The following LRMDA variants were observed in gnomAD, a reference collection of about 807,000 sequenced individuals.
LRMDA encodes the protein leucine-rich melanocyte differentiation-associated protein.
LRMDA carries 18 observed loss-of-function variants against 29.8 expected under a neutral mutation model. That is an observed-to-expected ratio of 0.60 (90% CI 0.42 to 0.90). The LOEUF is 0.90. Among genes scored for constraint, LRMDA ranks in the 40% least tolerant of loss-of-function variants. The probability of loss-of-function intolerance (pLI) is 0.00; values close to 1 mark genes in which losing one functional copy is unlikely to be tolerated. For missense variants in LRMDA, 273 were observed against 273.9 expected (o/e 1.00, Z 0.02); for synonymous variants, 125 against 109.4 (o/e 1.14, Z -0.89).
intron 5 of LRMDA, among the ~76,000 whole-genome samples, chr10:76,171,302 A>AT (rs901691187): frequency 5.3e-5 from 8 of 152,070 alleles, no homozygotes; most frequent in Admixed American, 6.5e-5. Context: ...TGCCTGGCTA[A>AT]TTTTTTTTGT....
At chr10:76,448,951 G>A (rs1283310372) in intron 6 of LRMDA, among the ~76,000 whole-genome samples, 1 of 151,706 alleles carries the variant, frequency 6.6e-6, no homozygotes, top group Non-Finnish European at 1.5e-5. Context: ...TATTTACTTT[G>A]TGATCTAATG....
At chr10:75,705,964 G>T (rs1842361017) in intron 2 of LRMDA, among the ~76,000 whole-genome samples, 1 of 152,156 alleles carries the variant, frequency 6.6e-6, no homozygotes, top group South Asian at 2.1e-4. Flanking sequence ...TAACAACAGT[G>T]GTCTTTAATC....
intron 2 of LRMDA, among the ~76,000 whole-genome samples, chr10:75,576,370 T>G (rs1250516570): frequency 2.0e-5 from 3 of 152,196 alleles, no homozygotes; most frequent in Admixed American, 6.5e-5. Flanking sequence ...GTAGCCCCAG[T>G]CAGGGACTTA....
intron 5 of LRMDA, among the ~76,000 whole-genome samples, chr10:76,152,034 A>G (rs760785972): frequency 7.9e-5 from 12 of 152,224 alleles, no homozygotes; most frequent in Admixed American, 2.0e-4. Context: ...ATTTCTTAGA[A>G]CATAAAATTC....
intron 3 of LRMDA, 31 bp from the exon 4 acceptor site, chr10:76,047,133 T>C: frequency 6.2e-7 from 1 of 1,613,266 alleles, no homozygotes; most frequent in Non-Finnish European, 8.5e-7. Flanking sequence ...GCCTTTTGTC[T>C]TACTGGACCA....
chr10:75,829,666 A>T (rs1844305669), intron 2 of LRMDA, among the ~76,000 whole-genome samples: 1 of 152,010 alleles, frequency 6.6e-6, no homozygotes, highest in South Asian at 2.1e-4. Flanking sequence ...GGTTTGAAGG[A>T]AGATTCAGAT....
At chr10:76,178,423 A>G (rs904790001) in intron 5 of LRMDA, among the ~76,000 whole-genome samples, 2 of 152,108 alleles carry the variant, frequency 1.3e-5, no homozygotes, top group Non-Finnish European at 2.9e-5. Flanking sequence ...TGGCATTTTC[A>G]CCCATTAGCA....
intron 2 of LRMDA, among the ~76,000 whole-genome samples, chr10:75,643,451 A>G (rs1841478965): frequency 6.6e-6 from 1 of 152,180 alleles, no homozygotes; most frequent in Non-Finnish European, 1.5e-5. Context: ...ACATCCCTTT[A>G]TGGTCCAGCC....
intron 2 of LRMDA, among the ~76,000 whole-genome samples, chr10:75,456,832 C>T (rs1016999492): frequency 2.6e-5 from 4 of 152,154 alleles, no homozygotes; most frequent in Non-Finnish European, 4.4e-5. Flanking sequence ...CGTGCCACCA[C>T]TCCCAGCTAA....
intron 2 of LRMDA, among the ~76,000 whole-genome samples, chr10:75,887,355 C>T (rs1431268345): frequency 2.0e-5 from 3 of 151,980 alleles, no homozygotes; most frequent in South Asian, 2.1e-4. Flanking sequence ...TATTGGTACA[C>T]GCACATTTTT....
intron 6 of LRMDA, among the ~76,000 whole-genome samples, chr10:76,511,920 A>C (rs181635938): frequency 6.6e-6 from 1 of 152,218 alleles, no homozygotes; most frequent in Admixed American, 6.5e-5. Context: ...AACAAAAATA[A>C]TCTTGAAAAA....
intron 5 of LRMDA, among the ~76,000 whole-genome samples, chr10:76,236,036 A>G (rs540340034): frequency 6.6e-5 from 10 of 152,278 alleles, no homozygotes; most frequent in Non-Finnish European, 1.5e-4. Flanking sequence ...ACCATCCCAA[A>G]GAAGTCGATG....
At chr10:75,510,904 T>G (rs1778547310) in intron 2 of LRMDA, among the ~76,000 whole-genome samples, 1 of 152,228 alleles carries the variant, frequency 6.6e-6, no homozygotes, top group East Asian at 1.9e-4. Context: ...TGATCTGAGT[T>G]TGTACCTGCC....
chr10:75,948,055 G>T (rs1183470179), intron 2 of LRMDA, among the ~76,000 whole-genome samples: 2 of 152,188 alleles, frequency 1.3e-5, no homozygotes, highest in Admixed American at 1.3e-4. Context: ...AAGCTTCTTT[G>T]CAGACACTCA....
intron 6 of LRMDA, among the ~76,000 whole-genome samples, chr10:76,373,165 T>G (rs755371154): frequency 1.3e-5 from 2 of 152,140 alleles, no homozygotes; most frequent in Non-Finnish European, 2.9e-5. Context: ...CTGCTGTAGA[T>G]GGTTGCTGGT....
intron 2 of LRMDA, among the ~76,000 whole-genome samples, chr10:75,498,277 T>G (rs534974566): frequency 6.6e-6 from 1 of 152,206 alleles, no homozygotes; most frequent in African/African-American, 2.4e-5. Context: ...CTGCAGCTTT[T>G]TTTTCCCCCT....
At chr10:76,353,081 T>C (rs997345960) in intron 6 of LRMDA, among the ~76,000 whole-genome samples, 4 of 152,134 alleles carry the variant, frequency 2.6e-5, no homozygotes, top group Admixed American at 6.6e-5. Context: ...GAAAGAAGTT[T>C]GGAGACTTCC....
chr10:76,261,823 G>A (rs1387061317), intron 5 of LRMDA, among the ~76,000 whole-genome samples: 2 of 152,158 alleles, frequency 1.3e-5, no homozygotes, highest in East Asian at 3.9e-4. Context: ...ACTCATTGAT[G>A]TGCCACATGT....
rs1842830588 is a variant in LRMDA, at chr10:76,491,169, A to G, written c.602-66040A>G. 5.3e-5 allele frequency among the ~76,000 whole-genome samples: 8 copies of G among 151,868 alleles called. No homozygotes were observed. In the South Asian group the frequency reaches 1.7e-3, roughly 31 times the overall value. Reference sequence around the variant, plus strand: ...TTGTTGTAGTTATTATTTTTGGTTCATTCATCTTTCGTCTTCCTACTTAGA... The same window carrying G: ...TTGTTGTAGTTATTATTTTTGGTTCGTTCATCTTTCGTCTTCCTACTTAGA... On this transcript the variant is annotated intron_variant, in intron 6 of 6. Transcript: ENST00000611255.
Sources: gnomAD v4.1 joint callset for allele counts (sites outside exome capture counted in the v4.1 genomes callset) on GRCh38, gnomAD v4.1.1 for gene constraint, MANE v1.5 for transcripts, NCBI Gene and HGNC (gene_info 2026-07-23, HGNC 2026-07-21) for gene names.